Variants in PRKD1 observed in about 807,000 individuals in gnomAD.
The protein encoded by PRKD1 is serine/threonine-protein kinase D1.
In PRKD1, 63 loss-of-function variants were observed where a neutral mutation model predicts 95.9. The observed-to-expected ratio is 0.66, with a 90% CI of 0.54 to 0.81. The LOEUF is 0.81. Among genes scored for constraint, PRKD1 ranks in the 30% least tolerant of loss-of-function variants. The pLI, the probability that PRKD1 is intolerant of heterozygous loss-of-function variation, is 0.00. For synonymous variants in PRKD1, 425 were observed against 423.1 expected (o/e 1.00, Z -0.05); for missense variants, 1,048 against 1,165.3 (o/e 0.90, Z 1.47).
chr14:29,836,954 T>G (rs781545126), intron 1 of PRKD1, among the ~76,000 whole-genome samples: 15 of 152,180 alleles, frequency 9.9e-5, no homozygotes, highest in Admixed American at 3.9e-4. Context: ...ATAAAATTCA[T>G]AATAAAATCA....
At chr14:29,685,730 T>A (rs894026784) in intron 2 of PRKD1, among the ~76,000 whole-genome samples, 1 of 115,230 alleles carries the variant, frequency 8.7e-6, no homozygotes, top group Non-Finnish European at 1.7e-5. Context: ...ATCTTTATCC[T>A]CATCTGTGTG....
At chr14:29,856,815 C>T (rs1566639283) in intron 1 of PRKD1, among the ~76,000 whole-genome samples, 1 of 152,188 alleles carries the variant, frequency 6.6e-6, no homozygotes, top group Non-Finnish European at 1.5e-5. Flanking sequence ...CACTGGAACT[C>T]CTGCTCCAAG....
chr14:29,719,825 T>A (rs183079448), intron 2 of PRKD1, among the ~76,000 whole-genome samples: 258 of 152,304 alleles, frequency 1.7e-3, no homozygotes, highest in Admixed American at 4.2e-3. Context: ...TCAGACAATT[T>A]GTTCCATGGT....
intron 16 of PRKD1, among the ~76,000 whole-genome samples, chr14:29,593,899 A>G (rs903845362): frequency 4.6e-5 from 7 of 152,226 alleles, no homozygotes; most frequent in Non-Finnish European, 7.3e-5. Flanking sequence ...ATAATTAATG[A>G]GTAAAATATT....
intron 1 of PRKD1, among the ~76,000 whole-genome samples, chr14:29,776,437 G>A (rs951149081): frequency 6.6e-6 from 1 of 152,154 alleles, no homozygotes; most frequent in Non-Finnish European, 1.5e-5. Flanking sequence ...AAGTAGTGTA[G>A]AGAAGTCCTT....
chr14:29,752,761 C>A (rs11627841), intron 1 of PRKD1, among the ~76,000 whole-genome samples: 33,887 of 151,718 alleles, frequency 0.22, 4,003 homozygotes, highest in African/African-American at 0.27. Context: ...TGTTTGTGTG[C>A]AATCATCAAA....
intron 16 of PRKD1, chr14:29,594,268 TTCATGCCAGG>T: frequency 3.1e-6 from 1 of 322,008 alleles, no homozygotes; most frequent in Middle Eastern, 5.9e-4. Context: ...CTTTTGCTTT[TTCATGCCAGG>T]AAAAAAAAAT....
In PRKD1 at chr14:29,852,024, A is replaced by C. The variant is rs369141296; in HGVS notation, c.264+75225T>G. ...ATGTTCTCACTTACAAGTGGGAGCTAAACACTGGGTACACATGAACATAAA... is the reference window on the plus strand; with the variant it reads ...ATGTTCTCACTTACAAGTGGGAGCTCAACACTGGGTACACATGAACATAAA... On this transcript the variant is annotated intron_variant, in intron 1 of 17. Transcript: ENST00000331968. Among the ~76,000 whole-genome samples, 89 of 152,278 alleles carry C rather than the reference A, an allele frequency of 5.8e-4. 1 individual carries two copies. In the South Asian group the frequency reaches 0.018, roughly 31 times the overall value.
At chr14:29,666,351 T>C in intron 2 of PRKD1, 143 bp from the exon 3 acceptor site, 4 of 814,656 alleles carry the variant, frequency 4.9e-6, no homozygotes, top group Non-Finnish European at 5.2e-6. Flanking sequence ...CAGCTTGCAC[T>C]TTCAGCCATT....
chr14:29,642,177 T>A (rs1313205247), intron 4 of PRKD1, among the ~76,000 whole-genome samples: 2 of 152,170 alleles, frequency 1.3e-5, no homozygotes, highest in Admixed American at 6.5e-5. Context: ...GTGCTGGGAT[T>A]ACAGGCATGA....
chr14:29,888,196 T>C (rs1893802726), intron 1 of PRKD1, among the ~76,000 whole-genome samples: 1 of 151,884 alleles, frequency 6.6e-6, no homozygotes, highest in Admixed American at 6.6e-5. Flanking sequence ...TCCCAGCAAC[T>C]TGGAGGCTAA....
chr14:29,702,259 G>C (rs1259979460), intron 2 of PRKD1, among the ~76,000 whole-genome samples: 2 of 151,868 alleles, frequency 1.3e-5, no homozygotes, highest in Non-Finnish European at 2.9e-5. Flanking sequence ...TAATTTCTTA[G>C]GTTTAACTGT....
At chr14:29,847,420 GAAGT>G (rs1387908385) in intron 1 of PRKD1, among the ~76,000 whole-genome samples, 4 of 152,042 alleles carry the variant, frequency 2.6e-5, no homozygotes, top group African/African-American at 9.7e-5. Flanking sequence ...CCAATAGTGA[GAAGT>G]AAGTGAAGAG....
At chr14:29,875,403 T>G (rs1409990444) in intron 1 of PRKD1, among the ~76,000 whole-genome samples, 1 of 152,218 alleles carries the variant, frequency 6.6e-6, no homozygotes, top group South Asian at 2.1e-4. Flanking sequence ...ATCATAATAT[T>G]TGCATGTGGA....
intron 1 of PRKD1, among the ~76,000 whole-genome samples, chr14:29,874,869 G>A (rs1274044311): frequency 6.6e-6 from 1 of 152,174 alleles, no homozygotes; most frequent in Non-Finnish European, 1.5e-5. Flanking sequence ...GAGATAAAGA[G>A]AGGGTTTGTG....
intron 3 of PRKD1, 53 bp downstream of exon 3, chr14:29,666,024 T>G (rs1036452466): frequency 1.4e-5 from 21 of 1,502,942 alleles, no homozygotes; most frequent in Non-Finnish European, 1.9e-5. Context: ...TCTGCTGCGA[T>G]AAACACAGGA....
At chr14:29,659,767 T>G (rs1882089626) in intron 4 of PRKD1, among the ~76,000 whole-genome samples, 1 of 152,230 alleles carries the variant, frequency 6.6e-6, no homozygotes, top group African/African-American at 2.4e-5. Context: ...AATGTGCTGG[T>G]TAAGTATATA....
chr14:29,688,584 T>C (rs1014072794), intron 2 of PRKD1, among the ~76,000 whole-genome samples: 2 of 152,132 alleles, frequency 1.3e-5, no homozygotes, highest in African/African-American at 4.8e-5. Flanking sequence ...CCATGATCCC[T>C]TTTATTCCTT....
chr14:29,764,366 CA>C (rs1888166084), intron 1 of PRKD1, among the ~76,000 whole-genome samples: 1 of 152,004 alleles, frequency 6.6e-6, no homozygotes, highest in Non-Finnish European at 1.5e-5. Flanking sequence ...AATATTAGGT[CA>C]ATACTGAAGG....
Sources: gnomAD v4.1 joint callset for allele counts (sites outside exome capture counted in the v4.1 genomes callset) on GRCh38, gnomAD v4.1.1 for gene constraint, MANE v1.5 for transcripts, NCBI Gene and HGNC (gene_info 2026-07-23, HGNC 2026-07-21) for gene names.